DRG1: variants seen among roughly 807,000 people sequenced by gnomAD.
DRG1 encodes developmentally regulated GTP binding protein 1, also known as developmentally-regulated GTP-binding protein 1.
A neutral mutation model predicts 38.8 loss-of-function variants in DRG1; 19 were observed. The observed-to-expected ratio is 0.49, with a 90% CI of 0.34 to 0.72. DRG1 has a LOEUF of 0.72. Ranked by LOEUF, DRG1 falls within the 30% of genes least tolerant of loss-of-function variation. DRG1 has a pLI of 0.01. For missense variants in DRG1, 299 were observed against 444.8 expected (o/e 0.67, Z 2.95); for synonymous variants, 167 against 157.5 (o/e 1.06, Z -0.45).
chr22:31,400,537 G>C (rs2049955158), intron 1 of DRG1, 83 bp from the exon 2 acceptor site: 6 of 1,563,850 alleles, frequency 3.8e-6, no homozygotes, highest in Middle Eastern at 1.7e-4. Context: ...ACATTAGTAG[G>C]ACTTGGGGAA....
intron 4 of DRG1, among the ~76,000 whole-genome samples, chr22:31,413,954 TG>T (rs2050031642): frequency 6.6e-6 from 1 of 152,016 alleles, no homozygotes; most frequent in African/African-American, 2.4e-5. Context: ...ATGACTTCCC[TG>T]TTGTCAAACC....
chr22:31,432,146 G>A (rs921013422), intron 8 of DRG1, among the ~76,000 whole-genome samples: 1 of 150,926 alleles, frequency 6.6e-6, no homozygotes, highest in African/African-American at 2.4e-5. Context: ...GCGTAATCGT[G>A]GTTCACTGCA....
At chr22:31,416,344 A>G (rs533814756) in intron 4 of DRG1, among the ~76,000 whole-genome samples, 4 of 152,156 alleles carry the variant, frequency 2.6e-5, no homozygotes, top group Non-Finnish European at 5.9e-5. Context: ...ATGTTTTCCC[A>G]TATTATTTGG....
Position 31,420,413 on chromosome 22 carries a change from T to A in DRG1, c.570T>A (p.Asn190Lys). The A allele has an allele frequency of 1.9e-6, 3 of 1,614,116 alleles. No individual in the cohort carries two copies. The highest frequency in any genetic ancestry group is 2.5e-6 in the Non-Finnish European group (3 of 1,180,012). The change falls in exon 5 of 9, where the codon AAT becomes AAA. Residue 190 changes from asparagine to lysine, a missense_variant. Transcript: ENST00000331457. ...AGAAGAAGGACAAGGGAGGCATTAATCTCACAGCCACTGTAAGTGGGGAAT... is the reference window on the plus strand; with the variant it reads ...AGAAGAAGGACAAGGGAGGCATTAAACTCACAGCCACTGTAAGTGGGGAAT... ...GFKKKDKGGI[N>K]LTATCPQSEL...
At position 31,399,744 on chromosome 22, in the gene DRG1, G is replaced by C; in HGVS notation, c.42+19G>C. On this transcript the variant is annotated intron_variant, in intron 1 of 8. Transcript: ENST00000331457. ...AGCAGAGGTAATGGACGCAGCTGGCGGTTCACTCTTAGTCTGAGCATTCCT... is the reference window on the plus strand; with the variant it reads ...AGCAGAGGTAATGGACGCAGCTGGCCGTTCACTCTTAGTCTGAGCATTCCT... The C allele has an allele frequency of 6.2e-7, 1 of 1,613,944 alleles. No individual in the cohort carries two copies. Among genetic ancestry groups the C allele is most frequent in the Non-Finnish European group, 8.5e-7 (1 of 1,179,860 alleles).
At chr22:31,428,909 G>C (rs1036978894) in intron 8 of DRG1, among the ~76,000 whole-genome samples, 1 of 152,138 alleles carries the variant, frequency 6.6e-6, no homozygotes, top group African/African-American at 2.4e-5. Flanking sequence ...TCTTCTCAAT[G>C]TATCATTACA....
intron 8 of DRG1, among the ~76,000 whole-genome samples, chr22:31,430,740 TGA>T (rs2050134055): frequency 6.6e-6 from 1 of 151,974 alleles, no homozygotes; most frequent in African/African-American, 2.4e-5. Context: ...GTATTATTTT[TGA>T]GACAGGTTCT....
At chr22:31,414,654 CT>C (rs1052376899) in intron 4 of DRG1, among the ~76,000 whole-genome samples, 1 of 151,880 alleles carries the variant, frequency 6.6e-6, no homozygotes, top group African/African-American at 2.4e-5. Context: ...GCCAGCCACT[CT>C]TTTTTTCCCC....
chr22:31,417,419 C>T (rs1367983194), intron 4 of DRG1, among the ~76,000 whole-genome samples: 1 of 151,476 alleles, frequency 6.6e-6, no homozygotes, highest in Non-Finnish European at 1.5e-5. Flanking sequence ...GTGGCTCATG[C>T]CTGTAATTGC....
chr22:31,412,028 A>G (rs1316077273), intron 4 of DRG1, among the ~76,000 whole-genome samples: 1 of 151,858 alleles, frequency 6.6e-6, no homozygotes, highest in East Asian at 1.9e-4. Context: ...ACTGTGGCTC[A>G]CGCCTGTAAT....
chr22:31,429,625 G>T (rs78143165), intron 8 of DRG1, among the ~76,000 whole-genome samples: 465 of 150,846 alleles, frequency 3.1e-3, no homozygotes, highest in Non-Finnish European at 4.7e-3. Context: ...ACTCTTTCAT[G>T]TTGGCCCCTG....
chr22:31,402,985 C>G (rs1412723897), intron 2 of DRG1, 44 bp from the exon 3 acceptor site: 1 of 1,580,060 alleles, frequency 6.3e-7, no homozygotes, highest in African/African-American at 1.3e-5. Flanking sequence ...TCTTAACACT[C>G]TGGGGGATAA....
At chr22:31,432,379 G>A (rs531306857) in intron 8 of DRG1, among the ~76,000 whole-genome samples, 26 of 149,836 alleles carry the variant, frequency 1.7e-4, no homozygotes, top group Middle Eastern at 7.1e-3. Context: ...TCATGTCCTT[G>A]ACCACACTGA....
At chr22:31,408,973 G>C (rs2050004439) in intron 3 of DRG1, among the ~76,000 whole-genome samples, 1 of 152,018 alleles carries the variant, frequency 6.6e-6, no homozygotes, top group Non-Finnish European at 1.5e-5. Context: ...CATGTGCTGT[G>C]GGGTTGGTTT....
intron 8 of DRG1, among the ~76,000 whole-genome samples, chr22:31,429,061 G>A (rs891438451): frequency 6.6e-6 from 1 of 152,036 alleles, no homozygotes; most frequent in Admixed American, 6.6e-5. Flanking sequence ...GTACTTTTGA[G>A]ACTGTGAAAG....
chr22:31,417,050 A>G (rs1442522618), intron 4 of DRG1, among the ~76,000 whole-genome samples: 3 of 147,700 alleles, frequency 2.0e-5, no homozygotes, highest in Non-Finnish European at 4.5e-5. Context: ...GGCAGCACAC[A>G]GACACCCTGT....
intron 8 of DRG1, among the ~76,000 whole-genome samples, chr22:31,428,704 T>G (rs1050078067): frequency 6.6e-6 from 1 of 152,238 alleles, no homozygotes; most frequent in Non-Finnish European, 1.5e-5. Flanking sequence ...TTGTTGCTTG[T>G]TTGTAGTCTT....
At chr22:31,430,725 A>T (rs1017791875) in intron 8 of DRG1, among the ~76,000 whole-genome samples, 95 of 150,652 alleles carry the variant, frequency 6.3e-4, no homozygotes, top group African/African-American at 2.2e-3. Flanking sequence ...TAGCCTTCCC[A>T]CTTAGTATTA....
At chr22:31,408,695 A>G (rs1052196376) in intron 3 of DRG1, among the ~76,000 whole-genome samples, 5 of 148,894 alleles carry the variant, frequency 3.4e-5, no homozygotes, top group South Asian at 2.1e-4. Context: ...GGACATTGCA[A>G]TGAACCAAGA....
Sources: allele counts gnomAD v4.1 joint callset (sites outside exome capture counted in the v4.1 genomes callset), GRCh38; gene constraint gnomAD v4.1.1; transcripts MANE v1.5; gene names NCBI Gene and HGNC (gene_info 2026-07-23, HGNC 2026-07-21).